Variants in RP2 observed in about 807,000 individuals in gnomAD.
RP2 encodes RP2 activator of ARL3 GTPase.
A neutral mutation model predicts 20.3 loss-of-function variants in RP2; 3 were observed. The observed-to-expected ratio is 0.15, with a 90% CI of 0.07 to 0.38. The LOEUF is 0.38. RP2 is among the 10% of genes least tolerant of loss of function. The pLI, the probability that RP2 is intolerant of heterozygous loss-of-function variation, is 1.00. For synonymous variants in RP2, 75 were observed against 94.8 expected (o/e 0.79, Z 1.22); for missense variants, 233 against 268.5 (o/e 0.87, Z 0.92).
chrX:46,874,599 T>G (rs1298865324), intron 3 of RP2, among the ~76,000 whole-genome samples: 5 of 111,522 alleles, frequency 4.5e-5, no homozygotes, highest in African/African-American at 1.6e-4. Context: ...TTAATCAAAT[T>G]GATTCATCCT....
chrX:46,840,835 A>C (rs1359245129), intron 1 of RP2, among the ~76,000 whole-genome samples: 3 of 112,576 alleles, frequency 2.7e-5, no homozygotes, highest in African/African-American at 9.7e-5. Context: ...TTATGGCTTA[A>C]GTGTGAAAAT....
At chrX:46,872,014 C>T (rs12013560) in intron 3 of RP2, among the ~76,000 whole-genome samples, 2,299 of 111,244 alleles carry the variant, frequency 0.021, 57 homozygotes, top group African/African-American at 0.071. Flanking sequence ...AGTCATAGCT[C>T]AACTGCAGCC....
intron 3 of RP2, among the ~76,000 whole-genome samples, chrX:46,866,483 G>C (rs1167532336): frequency 1.8e-5 from 2 of 111,391 alleles, no homozygotes; most frequent in Non-Finnish European, 3.8e-5. Context: ...GAGAAACCTG[G>C]CTTCCATTAT....
At chrX:46,862,529 G>A (rs782122575) in intron 3 of RP2, among the ~76,000 whole-genome samples, 42 of 110,165 alleles carry the variant, frequency 3.8e-4, no homozygotes, top group Middle Eastern at 4.7e-3. Flanking sequence ...GCGTGGTGGC[G>A]GGCGCCTGTA....
chrX:46,860,388 G>T (rs1029979401), intron 3 of RP2, among the ~76,000 whole-genome samples: 1 of 109,735 alleles, frequency 9.1e-6, no homozygotes, highest in African/African-American at 3.3e-5. Flanking sequence ...TATTATTGTT[G>T]TACCTTTATA....
At chrX:46,850,816 A>G (rs1201447491) in intron 1 of RP2, among the ~76,000 whole-genome samples, 1 of 111,716 alleles carries the variant, frequency 9.0e-6, no homozygotes, top group Non-Finnish European at 1.9e-5. Flanking sequence ...TTTAGTTTAG[A>G]TGAATGTTTA....
chrX:46,843,530 C>G (rs782324439), intron 1 of RP2, among the ~76,000 whole-genome samples: 1 of 111,642 alleles, frequency 9.0e-6, no homozygotes, highest in Admixed American at 9.6e-5. Context: ...CCTCAGTTTC[C>G]TAAGATCCCT....
chrX:46,852,741 C>T (rs1476049319), intron 1 of RP2, among the ~76,000 whole-genome samples: 1 of 110,263 alleles, frequency 9.1e-6, no homozygotes, highest in African/African-American at 3.3e-5. Flanking sequence ...CGCCACCACG[C>T]CTGGGTAATT....
At chrX:46,869,376 C>T (rs1215484786) in intron 3 of RP2, among the ~76,000 whole-genome samples, 7 of 108,008 alleles carry the variant, frequency 6.5e-5, no homozygotes, top group East Asian at 2.9e-4. Flanking sequence ...CTTGGCTCAC[C>T]GCAACCTCTG....
intron 1 of RP2, 98 bp downstream of exon 1, chrX:46,837,300 C>A: frequency 1.2e-6 from 1 of 863,177 alleles, no homozygotes; most frequent in Non-Finnish European, 1.7e-6. Flanking sequence ...CCAACTGCTG[C>A]CGCACTCTCT....
chrX:46,849,336 G>A (rs919120081), intron 1 of RP2, among the ~76,000 whole-genome samples: 2 of 109,942 alleles, frequency 1.8e-5, no homozygotes, highest in African/African-American at 3.3e-5. Flanking sequence ...GACTACAGGC[G>A]CACACCACCA....
chrX:46,859,125 G>C lies in RP2; in HGVS notation c.769-863G>C, dbSNP rs782392011. ...TAAAACTGCCTGCCACATGGTAAGT[G>C]CTCCATAAGTGTGATCTACCATTAT... On this transcript the variant is annotated intron_variant, in intron 2 of 4. Coordinates refer to ENST00000218340, the MANE Select transcript of RP2 (RefSeq NM_006915.3). Among the ~76,000 whole-genome samples the C allele has an allele frequency of 2.1e-3, 232 of 111,378 alleles. 2 individuals are homozygous for C. The highest frequency in any genetic ancestry group is 2.4e-3 in the Non-Finnish European group (129 of 53,122).
intron 3 of RP2, among the ~76,000 whole-genome samples, chrX:46,871,639 T>G (rs1164045656): frequency 4.5e-5 from 5 of 112,271 alleles, no homozygotes; most frequent in Admixed American, 1.9e-4. Context: ...GAATATTCTA[T>G]GTGCATCTGA....
At chrX:46,843,156 C>T (rs995331972) in intron 1 of RP2, among the ~76,000 whole-genome samples, 125 of 109,716 alleles carry the variant, frequency 1.1e-3, no homozygotes, top group Non-Finnish European at 1.8e-3. Flanking sequence ...TACAGGCGCC[C>T]GCCGCCACGC....
intron 3 of RP2, among the ~76,000 whole-genome samples, chrX:46,871,113 C>G (rs1389186377): frequency 9.6e-6 from 1 of 104,371 alleles, no homozygotes; most frequent in Non-Finnish European, 2.0e-5. Context: ...CCTCCGCCTC[C>G]CGGGTTCAAG....
chrX:46,877,724 G>GTGTGTA (rs1602355176), intron 4 of RP2, 134 bp downstream of exon 4: 1 of 424,612 alleles, frequency 2.4e-6, no homozygotes, highest in Non-Finnish European at 4.1e-6. Context: ...GTGTGTGTGT[G>GTGTGTA]TGTGTGTGTT....
chrX:46,860,150 G>A (rs1556319914), intron 3 of RP2, 48 bp downstream of exon 3: 1 of 878,012 alleles, frequency 1.1e-6, no homozygotes, highest in African/African-American at 1.9e-5. Flanking sequence ...TTCTTTACAT[G>A]CTGATTTGAT....
At position 46,853,636 on chromosome X, in the gene RP2, A is replaced by C; in HGVS notation, c.263A>C (p.Asn88Thr). Residue 88 changes from asparagine (N) to threonine (T), a missense_variant, in exon 2 of 5, where the codon AAC becomes ACC. Physicochemically the swap from Asn to Thr is moderately conservative, Grantham distance 65. Around this residue, in one of 3 missense-constraint regions of RP2, gnomAD observed 77 missense variants for 71.8 expected, o/e 1.07. Transcript: ENST00000218340. ...SATVTIDDCT[N>T]CIIFLGPVKG... is the part of the protein sequence containing the mutation. ...ACAGTTACCATTGATGACTGTACTAACTGCATAATTTTTCTGGGACCCGTG... is the reference window on the plus strand; with the variant it reads ...ACAGTTACCATTGATGACTGTACTACCTGCATAATTTTTCTGGGACCCGTG... 1 of 1,211,828 alleles carries C rather than the reference A, an allele frequency of 8.3e-7. No individual in the cohort carries two copies. The highest frequency in any genetic ancestry group is 1.1e-6 in the Non-Finnish European group (1 of 895,534).
chrX:46,874,571 ATT>A (rs1242833140), intron 3 of RP2, among the ~76,000 whole-genome samples: 3 of 111,580 alleles, frequency 2.7e-5, no homozygotes, highest in African/African-American at 6.5e-5. Context: ...AAAAAAACTC[ATT>A]GTTTGCTAAA....
Sources: allele counts gnomAD v4.1 joint callset (sites outside exome capture counted in the v4.1 genomes callset), GRCh38; gene constraint gnomAD v4.1.1; regional missense constraint gnomAD v4.1.1; transcripts MANE v1.5; gene names NCBI Gene and HGNC (gene_info 2026-07-23, HGNC 2026-07-21).